Variants in ROBO1 observed in about 807,000 individuals in gnomAD.
The protein encoded by ROBO1 is roundabout guidance receptor 1, also known as roundabout homolog 1.
In ROBO1, 149 loss-of-function variants were observed where a neutral mutation model predicts 195.9. The observed-to-expected ratio is 0.76, with a 90% confidence interval of 0.67 to 0.87. ROBO1 has a LOEUF of 0.87. Ranked by LOEUF, ROBO1 falls within the 40% of genes least tolerant of loss-of-function variation. The pLI is 0.00. For missense variants in ROBO1, 1,933 were observed against 2,068.3 expected (o/e 0.93, Z 1.27); for synonymous variants, 816 against 733.2 (o/e 1.11, Z -1.82).
Position 79,271,514 on chromosome 3 carries a change from C to T in ROBO1, c.89-145975G>A, listed in dbSNP as rs545379415. 4.6e-5 allele frequency among the ~76,000 whole-genome samples: 7 copies of T among 151,954 alleles called. No individual in the cohort carries two copies. In the East Asian group the frequency reaches 7.8e-4, roughly 17 times the overall value. ...TTAAAAAAGCTCATGGTGGGAAAAA[C>T]GAAAAGAAGGTATTCTAGGCAGAGG... On this transcript the variant is annotated intron_variant, in intron 2 of 30. Coordinates refer to ENST00000464233, the MANE Select transcript of ROBO1 (RefSeq NM_002941.4).
At chr3:79,546,121 T>A (rs1942255024) in intron 2 of ROBO1, among the ~76,000 whole-genome samples, 1 of 152,088 alleles carries the variant, frequency 6.6e-6, no homozygotes, top group Admixed American at 6.6e-5. Flanking sequence ...TAGTAATGTA[T>A]GTATAATACA....
chr3:79,491,395 T>C (rs1258506924), intron 2 of ROBO1, among the ~76,000 whole-genome samples: 1 of 152,000 alleles, frequency 6.6e-6, no homozygotes, highest in African/African-American at 2.4e-5. Context: ...GTTGTAAGAG[T>C]AGTCAGCTCC....
chr3:79,607,591 T>C (rs1944528927), intron 1 of ROBO1, among the ~76,000 whole-genome samples: 1 of 115,084 alleles, frequency 8.7e-6, no homozygotes, highest in African/African-American at 3.4e-5. Flanking sequence ...ACTACAAATT[T>C]GTATTTCCAA....
At chr3:79,688,478 CTT>C (rs966013448) in intron 1 of ROBO1, among the ~76,000 whole-genome samples, 41 of 152,172 alleles carry the variant, frequency 2.7e-4, no homozygotes, top group Non-Finnish European at 3.1e-4. Context: ...AAAATTATTA[CTT>C]TGACTATTTT....
At chr3:78,793,058 T>G (rs1325236104) in intron 4 of ROBO1, among the ~76,000 whole-genome samples, 1 of 149,472 alleles carries the variant, frequency 6.7e-6, no homozygotes, top group East Asian at 2.0e-4. Flanking sequence ...GAGAGGGAGG[T>G]AGCAGTGAGC....
chr3:79,303,540 T>TTATTGTATA (rs1305859757), intron 2 of ROBO1, among the ~76,000 whole-genome samples: 1 of 152,098 alleles, frequency 6.6e-6, no homozygotes, highest in Non-Finnish European at 1.5e-5. Flanking sequence ...TATATTATTA[T>TTATTGTATA]TAATTATAGT....
chr3:79,610,249 G>A (rs954407246), intron 1 of ROBO1, among the ~76,000 whole-genome samples: 7 of 151,652 alleles, frequency 4.6e-5, no homozygotes, highest in Admixed American at 3.3e-4. Flanking sequence ...TTTCCTATAC[G>A]TACATATCTA....
intron 2 of ROBO1, among the ~76,000 whole-genome samples, chr3:79,416,066 CA>C (rs2037987188): frequency 7.1e-6 from 1 of 141,478 alleles, no homozygotes; most frequent in Non-Finnish European, 1.6e-5. Flanking sequence ...AGAAAGAAAA[CA>C]AATATATACC....
intron 2 of ROBO1, among the ~76,000 whole-genome samples, chr3:79,467,477 G>A (rs1473579250): frequency 1.3e-5 from 2 of 151,308 alleles, no homozygotes; most frequent in Admixed American, 6.6e-5. Flanking sequence ...ACAAGCAGAA[G>A]AGCAAAGGAA....
intron 3 of ROBO1, chr3:79,019,026 G>A: frequency 1.0e-6 from 1 of 989,552 alleles, no homozygotes; most frequent in South Asian, 4.6e-5. Context: ...GTGTGACTGG[G>A]TGACTCCGCG....
intron 2 of ROBO1, among the ~76,000 whole-genome samples, chr3:79,171,413 C>CAAAAAAAAAAAAAAAAAAA: frequency 1.5e-5 from 1 of 65,850 alleles, no homozygotes; most frequent in Non-Finnish European, 3.3e-5. Context: ...ATGAAAATTG[C>CAAAAAAAAAAAAAAAAAAA]AAAAAAAAAA....
At chr3:79,508,721 C>A (rs1167114659) in intron 2 of ROBO1, among the ~76,000 whole-genome samples, 1 of 152,048 alleles carries the variant, frequency 6.6e-6, no homozygotes, top group Non-Finnish European at 1.5e-5. Context: ...GAGAAAAAAT[C>A]AAAAATATAA....
intron 1 of ROBO1, among the ~76,000 whole-genome samples, chr3:79,634,591 A>G (rs60139942): frequency 0.016 from 2,390 of 152,256 alleles, 57 homozygotes; most frequent in African/African-American, 0.055. Context: ...TATATCCTGT[A>G]TTTATTTTTA....
In ROBO1 at chr3:78,727,129, A is replaced by G. The variant is rs529219388; in HGVS notation, c.658-9246T>C. 5.9e-5 allele frequency among the ~76,000 whole-genome samples: 9 copies of G among 152,274 alleles called. No homozygotes were observed. In the South Asian group the frequency reaches 1.9e-3, roughly 32 times the overall value. On this transcript the variant is annotated intron_variant, in intron 5 of 30. Coordinates refer to ENST00000464233, the MANE Select transcript of ROBO1 (RefSeq NM_002941.4). Reference sequence around the variant, plus strand: ...CTAATTAAGCAAAAACATTGCTAGTACCATAATTATTTTGTACAAATGACA... The same window carrying G: ...CTAATTAAGCAAAAACATTGCTAGTGCCATAATTATTTTGTACAAATGACA...
chr3:79,315,950 G>T (rs1483533193), intron 2 of ROBO1, among the ~76,000 whole-genome samples: 1 of 152,182 alleles, frequency 6.6e-6, no homozygotes, highest in East Asian at 1.9e-4. Context: ...AGTTGTGAAA[G>T]AGTTGGAGAA....
chr3:79,208,720 T>TGTGTGTGTGTGC (rs1491298852), intron 2 of ROBO1, among the ~76,000 whole-genome samples: 4 of 139,970 alleles, frequency 2.9e-5, no homozygotes, highest in African/African-American at 1.0e-4. Context: ...TGTGTGTGTG[T>TGTGTGTGTGTGC]GCGCCTGCAT....
intron 2 of ROBO1, among the ~76,000 whole-genome samples, chr3:79,547,076 T>G (rs1305502880): frequency 1.4e-5 from 2 of 147,186 alleles, no homozygotes; most frequent in Non-Finnish European, 1.5e-5. Context: ...TCCCAGCTAC[T>G]CGGGAGGCTG....
Position 79,446,893 on chromosome 3 carries a change from G to A in ROBO1, c.88+142931C>T, listed in dbSNP as rs556396363. ...GGCTGGAGTGCAGTGGTGCGATCTC[G>A]GCTCACTGTGACCTCCGCCTCCCGG... is the stretch of plus-strand genomic sequence containing the variant. On this transcript the variant is annotated intron_variant, in intron 2 of 30. Transcript: ENST00000464233. 1.3e-5 allele frequency among the ~76,000 whole-genome samples: 2 copies of A among 151,982 alleles called. 1 individual carries two copies. The highest frequency in any genetic ancestry group is 4.1e-4 in the South Asian group (2 of 4,828).
intron 2 of ROBO1, among the ~76,000 whole-genome samples, chr3:79,522,586 C>T (rs1422291423): frequency 6.6e-6 from 1 of 152,062 alleles, no homozygotes; most frequent in Non-Finnish European, 1.5e-5. Context: ...CATTTCATTA[C>T]TTTTGTATCC....
Sources: allele counts gnomAD v4.1 joint callset (sites outside exome capture counted in the v4.1 genomes callset), GRCh38; gene constraint gnomAD v4.1.1; transcripts MANE v1.5; gene names NCBI Gene and HGNC (gene_info 2026-07-23, HGNC 2026-07-21).